SOX6: variants seen among roughly 807,000 people sequenced by gnomAD.
SOX6 encodes transcription factor SOX-6.
SOX6 carries 11 observed loss-of-function variants against 97.8 expected under a neutral mutation model. That is an observed-to-expected ratio of 0.11 (90% CI 0.07 to 0.19). The LOEUF is 0.19. Among genes scored for constraint, SOX6 ranks in the 10% least tolerant of loss-of-function variants. The pLI is 1.00. For synonymous variants in SOX6, 360 were observed against 371.4 expected (o/e 0.97, Z 0.35); for missense variants, 810 against 1,039.5 (o/e 0.78, Z 3.04).
At chr11:16,406,930 C>T (rs941081534) in intron 1 of SOX6, among the ~76,000 whole-genome samples, 4 of 152,096 alleles carry the variant, frequency 2.6e-5, no homozygotes, top group African/African-American at 9.7e-5. Context: ...ACAACCCCAT[C>T]ACACCTTATC....
chr11:16,463,081 C>G (rs1590213092), intron 1 of SOX6, among the ~76,000 whole-genome samples: 1 of 152,150 alleles, frequency 6.6e-6, no homozygotes, highest in East Asian at 1.9e-4. Flanking sequence ...ACAGCTCAAC[C>G]TGTGAAAATT....
chr11:16,202,454 T>C (rs1347715581), intron 4 of SOX6, among the ~76,000 whole-genome samples: 1 of 152,162 alleles, frequency 6.6e-6, no homozygotes, highest in Non-Finnish European at 1.5e-5. Flanking sequence ...ATGGAACAAA[T>C]GGCTGCTGAA....
Position 16,505,463 on chromosome 11 carries a change from G to A in SOX6, n.610-29075C>T, listed in dbSNP as rs530398399. 2.6e-5 allele frequency among the ~76,000 whole-genome samples: 4 copies of A among 152,256 alleles called. No individual in the cohort carries two copies. The South Asian group carries it at 8.3e-4, about 32-fold the overall frequency. On this transcript the variant is annotated intron_variant and non_coding_transcript_variant, in intron 4 of 5. Coordinates refer to the SOX6 transcript ENST00000524520. ...TGAGCAAAGACATAATCTGAAACTG[G>A]AATTTATATTTAAAATGGAAGCAAA... is the stretch of plus-strand genomic sequence containing the variant.
chr11:16,183,082 T>C (rs1851385507), intron 6 of SOX6, among the ~76,000 whole-genome samples: 1 of 152,008 alleles, frequency 6.6e-6, no homozygotes, highest in South Asian at 2.1e-4. Context: ...TTCTAAGGAT[T>C]AGTCACTAGA....
chr11:16,517,241 T>G (rs2133157467), intron 4 of SOX6, among the ~76,000 whole-genome samples: 1 of 151,952 alleles, frequency 6.6e-6, no homozygotes, highest in South Asian at 2.1e-4. Flanking sequence ...GGGCAAAAAC[T>G]GGAAGCATTC....
chr11:16,051,678 C>T (rs1847690010), intron 10 of SOX6, among the ~76,000 whole-genome samples: 1 of 152,054 alleles, frequency 6.6e-6, no homozygotes, highest in Non-Finnish European at 1.5e-5. Context: ...GATTTATATG[C>T]TAGGTGTTTA....
chr11:16,011,162 T>C (rs1854712563), intron 13 of SOX6, among the ~76,000 whole-genome samples: 1 of 151,990 alleles, frequency 6.6e-6, no homozygotes, highest in Non-Finnish European at 1.5e-5. Flanking sequence ...AAAGGGGAAA[T>C]GCCATACGAA....
intron 3 of SOX6, among the ~76,000 whole-genome samples, chr11:16,240,317 G>GTGTGTGT (rs1853151142): frequency 1.8e-5 from 1 of 55,944 alleles, no homozygotes; most frequent in African/African-American, 7.0e-5. Context: ...TGTGTGTGTG[G>GTGTGTGT]CAGTGGAAGC....
At chr11:16,241,975 A>G (rs1271695624) in intron 3 of SOX6, among the ~76,000 whole-genome samples, 2 of 152,040 alleles carry the variant, frequency 1.3e-5, no homozygotes, top group Non-Finnish European at 2.9e-5. Context: ...CATTCCTATT[A>G]ATTTGAGTTG....
chr11:16,454,886 C>A (rs920683121), intron 1 of SOX6, among the ~76,000 whole-genome samples: 2 of 151,980 alleles, frequency 1.3e-5, no homozygotes, highest in Non-Finnish European at 2.9e-5. Context: ...ATTTATAGAC[C>A]TTATGCATGA....
At chr11:16,485,910 GAAAAGGGA>G (rs1860419960) in intron 4 of SOX6, among the ~76,000 whole-genome samples, 1 of 97,618 alleles carries the variant, frequency 1.0e-5, no homozygotes, top group African/African-American at 4.2e-5. Context: ...GGGAAGGGAA[GAAAAGGGA>G]AGGGGAGGGG....
intron 3 of SOX6, among the ~76,000 whole-genome samples, chr11:16,665,075 G>T (rs1847796913): frequency 6.6e-6 from 1 of 151,862 alleles, no homozygotes; most frequent in Non-Finnish European, 1.5e-5. Context: ...CATGGGCCTT[G>T]GGTAAAACTG....
intron 4 of SOX6, among the ~76,000 whole-genome samples, chr11:16,551,889 G>C (rs1847691535): frequency 1.3e-5 from 2 of 152,082 alleles, no homozygotes. Context: ...ACAGGCATGA[G>C]CCACCATGCC....
At chr11:16,163,935 A>T (rs534232517) in intron 6 of SOX6, among the ~76,000 whole-genome samples, 1 of 152,332 alleles carries the variant, frequency 6.6e-6, no homozygotes, top group South Asian at 2.1e-4. Context: ...TGAAAGAGAC[A>T]GGTTGCGAGA....
chr11:16,732,057 G>A (rs554485712), intron 2 of SOX6, among the ~76,000 whole-genome samples: 1 of 152,270 alleles, frequency 6.6e-6, no homozygotes, highest in South Asian at 2.1e-4. Context: ...TCTTCAAGGA[G>A]AACTACAAAC....
chr11:16,506,496 A>G (rs971545044), intron 4 of SOX6, among the ~76,000 whole-genome samples: 1 of 152,120 alleles, frequency 6.6e-6, no homozygotes, highest in African/African-American at 2.4e-5. Context: ...CAGACTTTGG[A>G]CCTGGAGTTT....
chr11:16,353,591 T>C (rs894729496), intron 1 of SOX6, among the ~76,000 whole-genome samples: 16 of 152,174 alleles, frequency 1.1e-4, no homozygotes, highest in East Asian at 7.7e-4. Context: ...CCCTTTCTTA[T>C]AGCTATTTGC....
chr11:16,713,200 G>C (rs1848194170), intron 3 of SOX6, among the ~76,000 whole-genome samples: 1 of 152,114 alleles, frequency 6.6e-6, no homozygotes, highest in South Asian at 2.1e-4. Context: ...CTGCAAGTAT[G>C]AGGTGGCCAA....
intron 4 of SOX6, among the ~76,000 whole-genome samples, chr11:16,496,951 G>C (rs538060739): frequency 6.6e-6 from 1 of 152,206 alleles, no homozygotes. Flanking sequence ...GTCCCTGTCT[G>C]ACAGCTTTGA....
Sources: allele counts gnomAD v4.1 joint callset (sites outside exome capture counted in the v4.1 genomes callset), GRCh38; gene constraint gnomAD v4.1.1; transcripts MANE v1.5; gene names NCBI Gene and HGNC (gene_info 2026-07-23, HGNC 2026-07-21).